Variants in PARPBP observed in about 807,000 individuals in gnomAD.
PARPBP encodes the protein PARP1 binding protein.
In PARPBP, 52 loss-of-function variants were observed where a neutral mutation model predicts 50.0. The observed-to-expected ratio is 1.04, with a 90% CI of 0.83 to 1.31. The LOEUF (loss-of-function observed/expected upper bound fraction) is 1.31, where lower values mean the gene tolerates loss of function less well. Among genes scored for constraint, PARPBP ranks in the 50% most tolerant of loss-of-function variants. The pLI, the probability that PARPBP is intolerant of heterozygous loss-of-function variation, is 0.00. For synonymous variants in PARPBP, 244 were observed against 232.1 expected, an observed-to-expected ratio of 1.05 and a Z score of -0.47; for missense variants, 697 against 672.0, an observed-to-expected ratio of 1.04 and a Z score of -0.41.
chr12:102,171,145 G>C (rs1016189814), intron 6 of PARPBP, among the ~76,000 whole-genome samples: 5 of 148,540 alleles, frequency 3.4e-5, no homozygotes, highest in African/African-American at 1.2e-4. Flanking sequence ...ATTTCAGTTA[G>C]TGCTTTTTTT....
chr12:102,139,265 TC>T (rs1332024582), intron 2 of PARPBP, among the ~76,000 whole-genome samples: 1 of 152,142 alleles, frequency 6.6e-6, no homozygotes, highest in Non-Finnish European at 1.5e-5. Flanking sequence ...GAATGAGAGT[TC>T]ACTCATGATT....
intron 3 of PARPBP, among the ~76,000 whole-genome samples, chr12:102,149,220 T>A (rs1196839149): frequency 6.6e-6 from 1 of 152,236 alleles, no homozygotes; most frequent in Non-Finnish European, 1.5e-5. Context: ...ATTTTATAAA[T>A]ATTTCAATAC....
chr12:102,167,441 G>C (rs1888259098), intron 6 of PARPBP, among the ~76,000 whole-genome samples: 1 of 151,942 alleles, frequency 6.6e-6, no homozygotes, highest in Non-Finnish European at 1.5e-5. Flanking sequence ...TTTCATAGTA[G>C]AGGTGTTCCC....
At chr12:102,185,905 C>T (rs1244767028) in intron 9 of PARPBP, among the ~76,000 whole-genome samples, 4 of 152,100 alleles carry the variant, frequency 2.6e-5, no homozygotes, top group African/African-American at 4.8e-5. Context: ...CCACCTGCCT[C>T]GGCCTCCCAA....
intron 7 of PARPBP, among the ~76,000 whole-genome samples, chr12:102,176,286 T>C (rs1251653106): frequency 6.6e-6 from 1 of 152,174 alleles, no homozygotes; most frequent in Non-Finnish European, 1.5e-5. Flanking sequence ...CTGGCCTAAA[T>C]ATTCTCATAA....
Position 102,153,930 on chromosome 12 carries a change from C to T in PARPBP, c.449C>T (p.Ser150Phe). 1.2e-6 allele frequency: 2 copies of T among 1,610,666 alleles called. No individual in the cohort carries two copies. The highest frequency in any genetic ancestry group is 1.7e-6 in the Non-Finnish European group (2 of 1,176,984). ...GCAGTAGGTGATGAAACTGATCTTTCTATACCAACATCACCAACAAGTAAA... is the reference window on the plus strand; with the variant it reads ...GCAGTAGGTGATGAAACTGATCTTTTTATACCAACATCACCAACAAGTAAA... The part of the protein sequence containing the change: ...QYAVGDETDL[S>F]IPTSPTSKYN... The change falls in exon 4 of 11, where the codon TCT (serine) becomes TTT (phenylalanine). Residue 150 changes from serine (S) to phenylalanine (F), a missense_variant. Coordinates refer to ENST00000327680, the MANE Select transcript of PARPBP (RefSeq NM_017915.5).
At chr12:102,137,324 CTT>C (rs1223017430) in intron 2 of PARPBP, among the ~76,000 whole-genome samples, 2 of 152,076 alleles carry the variant, frequency 1.3e-5, no homozygotes, top group Non-Finnish European at 2.9e-5. Flanking sequence ...TACAGTAAAA[CTT>C]TTGAATACCT....
At chr12:102,172,884 C>T (rs1050430752) in intron 6 of PARPBP, among the ~76,000 whole-genome samples, 4 of 152,108 alleles carry the variant, frequency 2.6e-5, no homozygotes, top group Non-Finnish European at 5.9e-5. Flanking sequence ...ATTACGTTTT[C>T]ATTTTGGCTA....
chr12:102,133,826 G>T (rs1456386267), intron 2 of PARPBP, among the ~76,000 whole-genome samples: 2 of 151,992 alleles, frequency 1.3e-5, no homozygotes, highest in African/African-American at 2.4e-5. Flanking sequence ...CTAGAAATCT[G>T]TAACAGGAAG....
chr12:102,193,716 CT>C (rs1327702099), intron 9 of PARPBP, among the ~76,000 whole-genome samples: 1 of 151,950 alleles, frequency 6.6e-6, no homozygotes, highest in Non-Finnish European at 1.5e-5. Context: ...TTATCTACTG[CT>C]TTAAATCTGT....
chr12:102,126,191 T>C lies in PARPBP; in HGVS notation c.153+2150T>C, dbSNP rs1881965271. On this transcript the variant is annotated intron_variant, in intron 2 of 10. Transcript: ENST00000327680. The stretch of plus-strand genomic sequence containing the variant: ...GGGTTCCTGATTCAGCTTTCTACCT[T>C]TTTTTTGGACTCTCCTTTGTCTTTC... 2.0e-5 allele frequency among the ~76,000 whole-genome samples: 3 copies of C among 152,186 alleles called. No individual in the cohort carries two copies. In the South Asian group the frequency reaches 6.2e-4, roughly 32 times the overall value.
chr12:102,192,343 A>G (rs192730920), intron 9 of PARPBP, among the ~76,000 whole-genome samples: 52 of 152,234 alleles, frequency 3.4e-4, no homozygotes, highest in African/African-American at 1.0e-3. Flanking sequence ...TATTCCCATT[A>G]TGTGTGGATA....
chr12:102,162,553 G>C (rs1391668149), intron 4 of PARPBP, among the ~76,000 whole-genome samples: 1 of 152,178 alleles, frequency 6.6e-6, no homozygotes, highest in Non-Finnish European at 1.5e-5. Flanking sequence ...GCTCATGGTG[G>C]CTCACACCTG....
intron 1 of PARPBP, chr12:102,120,527 A>G (rs538270312): frequency 2.2e-6 from 1 of 456,384 alleles, no homozygotes; most frequent in South Asian, 1.5e-5. Context: ...CTTGGAAGAC[A>G]GGCCCGTAGA....
chr12:102,185,546 T>C (rs905933941), intron 9 of PARPBP, among the ~76,000 whole-genome samples: 2 of 152,212 alleles, frequency 1.3e-5, no homozygotes, highest in African/African-American at 2.4e-5. Flanking sequence ...TTTGAAAGTG[T>C]CTCCTCATCT....
In PARPBP at chr12:102,197,271, G is replaced by A. The variant is rs1891395576; in HGVS notation, c.*980G>A. On this transcript the variant is annotated 3_prime_UTR_variant, in exon 11 of 11. Coordinates refer to ENST00000327680, the MANE Select transcript of PARPBP (RefSeq NM_017915.5). ...TTGTTGATCAATTCAAAGTTACTCT[G>A]CACTGTTTTTGACTTTTTAAAAATA... 2.9e-6 allele frequency: 3 copies of A among 1,045,096 alleles called. No individual in the cohort carries two copies. The highest frequency in any genetic ancestry group is 3.1e-5 in the South Asian group (2 of 63,826). 64.7% of individuals were successfully genotyped at this position (1,045,096 alleles called of 1,614,324 possible). A position where few individuals can be genotyped will look rare whatever the true frequency, so the allele number is the denominator to read the frequency against.
intron 9 of PARPBP, among the ~76,000 whole-genome samples, chr12:102,192,175 C>G (rs2137411264): frequency 6.6e-6 from 1 of 152,198 alleles, no homozygotes; most frequent in East Asian, 1.9e-4. Context: ...TGGCCTGATT[C>G]TGAGATATCT....
intron 1 of PARPBP, among the ~76,000 whole-genome samples, chr12:102,121,848 A>G (rs1881182338): frequency 6.6e-6 from 1 of 152,068 alleles, no homozygotes; most frequent in Non-Finnish European, 1.5e-5. Context: ...ATGCTCTTTT[A>G]CTTTTAACTC....
rs577806296 is a variant in PARPBP, at chr12:102,156,645, T to G, written c.495+2669T>G. ...ATTATTTTTGTTTTATTTATTTTGC[T>G]TATTATTTTTTTGAGGCAGAGGCTT... is the stretch of plus-strand genomic sequence containing the variant. On this transcript the variant is annotated intron_variant, in intron 4 of 10. Transcript: ENST00000327680. Among the ~76,000 whole-genome samples, 6 of 152,304 alleles carry G rather than the reference T, an allele frequency of 3.9e-5. No individual in the cohort carries two copies. The East Asian group carries it at 9.6e-4, about 24-fold the overall frequency.
Sources: allele counts gnomAD v4.1 joint callset (sites outside exome capture counted in the v4.1 genomes callset), GRCh38; gene constraint gnomAD v4.1.1; transcripts MANE v1.5; gene names NCBI Gene and HGNC (gene_info 2026-07-23, HGNC 2026-07-21).